The following NMNAT1 variants were observed in gnomAD, a reference collection of about 807,000 sequenced individuals.
NMNAT1 encodes nicotinamide/nicotinic acid mononucleotide adenylyltransferase 1.
NMNAT1 carries 11 observed loss-of-function variants against 16.7 expected under a neutral mutation model. The observed-to-expected ratio is 0.66, with a 90% CI of 0.41 to 1.09. The LOEUF (loss-of-function observed/expected upper bound fraction) is 1.09, where lower values mean the gene tolerates loss of function less well. Among genes scored for constraint, NMNAT1 ranks in the 50% least tolerant of loss-of-function variants. NMNAT1 has a pLI of 0.00. For missense variants in NMNAT1, 280 were observed against 332.3 expected, an observed-to-expected ratio of 0.84 and a Z score of 1.22; for synonymous variants, 110 against 119.8, an observed-to-expected ratio of 0.92 and a Z score of 0.53.
the NMNAT1 span, among the ~76,000 whole-genome samples, chr1:9,992,729 G>T: frequency 6.6e-6 from 1 of 152,018 alleles, no homozygotes; most frequent in East Asian, 2.0e-4. Flanking sequence ...GGCTAACACA[G>T]TGAAACCCCA....
chr1:9,975,495 CAAAAAACAAA>C (rs1488564392), intron 2 of NMNAT1, 87 bp from the exon 3 acceptor site: 3 of 1,071,604 alleles, frequency 2.8e-6, no homozygotes, highest in Non-Finnish European at 4.0e-6. Context: ...GACTCTGTCT[CAAAAAACAAA>C]ACAAAACAAA....
the NMNAT1 span, among the ~76,000 whole-genome samples, chr1:9,990,831 G>A: frequency 6.6e-6 from 1 of 152,126 alleles, no homozygotes; most frequent in South Asian, 2.1e-4. Flanking sequence ...TACTTTGCCA[G>A]CACCAAACAG....
Position 9,972,246 on chromosome 1 carries a change from C to G in NMNAT1, c.115+58C>G, listed in dbSNP as rs1019059392. ...AGAGAACCAGCCGGGTGCAGTGGCT[C>G]ACACCTGCAATCCCAGCATTTTGGG... On this transcript the variant is annotated intron_variant, in intron 2 of 4. Coordinates refer to ENST00000377205, the MANE Select transcript of NMNAT1 (RefSeq NM_022787.4). 4 of 860,574 alleles carry G rather than the reference C, an allele frequency of 4.6e-6. No individual in the cohort carries two copies. In the African/African-American group the frequency reaches 6.6e-5, roughly 14 times the overall value. 53.3% of individuals were successfully genotyped at this position (860,574 alleles called of 1,614,324 possible). A position where few individuals can be genotyped will look rare whatever the true frequency, so the allele number is the denominator to read the frequency against.
intron 1 of NMNAT1, among the ~76,000 whole-genome samples, chr1:9,971,354 G>A (rs138278040): frequency 0.013 from 2,028 of 151,760 alleles, 32 homozygotes; most frequent in South Asian, 0.025. Flanking sequence ...TCTCTCTGTC[G>A]CCAGGCTGGA....
At chr1:9,968,770 CA>C (rs35088826) in intron 1 of NMNAT1, among the ~76,000 whole-genome samples, 101 of 79,174 alleles carry the variant, frequency 1.3e-3, no homozygotes, top group African/African-American at 2.1e-3. Context: ...GACTCTGTCT[CA>C]AAAAAAAAAA....
chr1:9,943,291 C>G (rs1403415131), upstream of NMNAT1: 1 of 154,736 alleles, frequency 6.5e-6, no homozygotes, highest in Non-Finnish European at 1.4e-5. Flanking sequence ...CCGGGATTCC[C>G]CCTGTGCCGC....
At chr1:9,947,003 A>G (rs931443301) in intron 1 of NMNAT1, among the ~76,000 whole-genome samples, 4 of 152,170 alleles carry the variant, frequency 2.6e-5, no homozygotes, top group African/African-American at 7.2e-5. Context: ...CAAATACACC[A>G]TCTATATGCA....
chr1:9,964,181 C>G (rs1245656594), intron 1 of NMNAT1, among the ~76,000 whole-genome samples: 1 of 151,706 alleles, frequency 6.6e-6, no homozygotes, highest in Non-Finnish European at 1.5e-5. Context: ...TGTGAGCTAC[C>G]ACACCGGGCC....
chr1:9,996,028 T>A, the NMNAT1 span, among the ~76,000 whole-genome samples: 1 of 146,664 alleles, frequency 6.8e-6, no homozygotes, highest in Non-Finnish European at 1.5e-5. Flanking sequence ...AGACTCCCTC[T>A]CTGCCGGGCG....
At chr1:9,944,244 A>G (rs959473572) in intron 1 of NMNAT1, among the ~76,000 whole-genome samples, 1 of 151,348 alleles carries the variant, frequency 6.6e-6, no homozygotes, top group Non-Finnish European at 1.5e-5. Context: ...ACAGTTCGAG[A>G]CTCCATCTCA....
intron 1 of NMNAT1, among the ~76,000 whole-genome samples, chr1:9,958,447 T>TG (rs112192522): frequency 1.3e-5 from 2 of 151,494 alleles, no homozygotes; most frequent in Admixed American, 6.6e-5. Context: ...TGTTTTGTTT[T>TG]TTTTTTTTTT....
intron 1 of NMNAT1, among the ~76,000 whole-genome samples, chr1:9,964,459 G>A (rs2101675146): frequency 6.6e-6 from 1 of 150,834 alleles, no homozygotes; most frequent in South Asian, 2.1e-4. Flanking sequence ...GGATCCTTGA[G>A]CCCAGGAGAT....
downstream of NMNAT1, among the ~76,000 whole-genome samples, chr1:9,987,640 A>AAAAT (rs988966702): frequency 1.3e-4 from 20 of 151,964 alleles, no homozygotes; most frequent in Non-Finnish European, 2.5e-4. Flanking sequence ...ACTCCGTCTC[A>AAAAT]AAATAAATAA....
intron 3 of NMNAT1, among the ~76,000 whole-genome samples, chr1:9,978,700 G>T (rs1570712669): frequency 1.3e-5 from 2 of 152,286 alleles, no homozygotes; most frequent in Admixed American, 1.3e-4. Flanking sequence ...CCATTAAATA[G>T]TCAACTCAGC....
chr1:9,970,776 A>G (rs1641670874), intron 1 of NMNAT1, among the ~76,000 whole-genome samples: 1 of 152,150 alleles, frequency 6.6e-6, no homozygotes, highest in African/African-American at 2.4e-5. Context: ...TCAGTGGAAT[A>G]ACTGATATGA....
At chr1:9,961,534 TA>T (rs1641407264) in intron 1 of NMNAT1, among the ~76,000 whole-genome samples, 1 of 152,146 alleles carries the variant, frequency 6.6e-6, no homozygotes, top group South Asian at 2.1e-4. Context: ...TGGTAGTTTT[TA>T]TGGGTATCGA....
At chr1:9,956,746 T>G (rs1437168502) in intron 1 of NMNAT1, among the ~76,000 whole-genome samples, 1 of 149,394 alleles carries the variant, frequency 6.7e-6, no homozygotes, top group Non-Finnish European at 1.5e-5. Context: ...TTTTTTTTTT[T>G]TTTGAGACAG....
chr1:9,974,428 G>A (rs951245766), intron 2 of NMNAT1, among the ~76,000 whole-genome samples: 3 of 146,014 alleles, frequency 2.1e-5, no homozygotes, highest in South Asian at 2.1e-4. Flanking sequence ...TTGCTCTGTC[G>A]CTCAGGCTGG....
the NMNAT1 span, among the ~76,000 whole-genome samples, chr1:9,996,468 C>G: frequency 6.6e-6 from 1 of 152,158 alleles, no homozygotes; most frequent in Non-Finnish European, 1.5e-5. Context: ...TTCTCCTTTG[C>G]TTTTCTCTGC....
Sources: gnomAD v4.1 joint callset for allele counts (sites outside exome capture counted in the v4.1 genomes callset) on GRCh38, gnomAD v4.1.1 for gene constraint, MANE v1.5 for transcripts, NCBI Gene and HGNC (gene_info 2026-07-23, HGNC 2026-07-21) for gene names.